INVS: variants seen among roughly 807,000 people sequenced by gnomAD.
The protein encoded by INVS is inversin, also known as inversion of embryo turning homolog.
Under a neutral mutation model 108.8 loss-of-function variants are expected in INVS, and 86 were observed. That is an observed-to-expected ratio of 0.79 (90% CI 0.66 to 0.95). The LOEUF is 0.95. Ranked by LOEUF, INVS falls within the 40% of genes least tolerant of loss-of-function variation. The probability of loss-of-function intolerance (pLI) is 0.00; values close to 1 mark genes in which losing one functional copy is unlikely to be tolerated. For missense variants in INVS, 1,169 were observed against 1,297.4 expected (o/e 0.90, Z 1.52); for synonymous variants, 455 against 473.5 (o/e 0.96, Z 0.51).
chr9:100,200,938 C>A (rs963340496), intron 3 of INVS, among the ~76,000 whole-genome samples: 5 of 152,214 alleles, frequency 3.3e-5, no homozygotes, highest in Non-Finnish European at 5.9e-5. Context: ...CTTCACACTG[C>A]GGCCAGATTT....
At chr9:100,131,200 A>G (rs1445510158) in intron 3 of INVS, among the ~76,000 whole-genome samples, 1 of 151,842 alleles carries the variant, frequency 6.6e-6, no homozygotes, top group African/African-American at 2.4e-5. Flanking sequence ...TTTGTTTTTG[A>G]ATCTCTCTGA....
intron 3 of INVS, among the ~76,000 whole-genome samples, chr9:100,177,368 T>C (rs1393523581): frequency 6.6e-6 from 1 of 152,128 alleles, no homozygotes; most frequent in Non-Finnish European, 1.5e-5. Flanking sequence ...CAAGCTAAGA[T>C]CCACTGACTC....
At chr9:100,200,345 A>G (rs1002227293) in intron 3 of INVS, among the ~76,000 whole-genome samples, 3 of 152,030 alleles carry the variant, frequency 2.0e-5, no homozygotes, top group Non-Finnish European at 4.4e-5. Context: ...TTGTTTGCAT[A>G]TGGAGTAATT....
intron 11 of INVS, 58 bp downstream of exon 11, chr9:100,264,986 A>G (rs560752821): frequency 1.7e-6 from 2 of 1,198,752 alleles, no homozygotes; most frequent in East Asian, 2.4e-5. Flanking sequence ...CCTGTCACTC[A>G]GGTTGGGTTG....
rs1224928634 is a variant in INVS at position 100,292,880 on chromosome 9, A to C, written c.2623A>C (p.Lys875Gln). Residue 875 changes from lysine to glutamine, a missense_variant, in exon 14 of 17, where the codon AAG (lysine) becomes CAG (glutamine). This residue lies in a region of INVS where 533 missense variants were observed against 536.0 expected (regional missense o/e 0.99). Coordinates refer to ENST00000262457, the MANE Select transcript of INVS (RefSeq NM_014425.5). ...CCTGTCCGAGGACTTTCAGGTATCT[A>C]AGGAGACTGATCCAGCACCTGGTCC... The part of the protein sequence containing the change: ...STLSEDFQVS[K>Q]ETDPAPGPLS... 2 of 1,614,050 alleles carry C rather than the reference A, an allele frequency of 1.2e-6. No homozygotes were observed. The highest frequency in any genetic ancestry group is 1.7e-6 in the Non-Finnish European group (2 of 1,180,032).
chr9:100,227,113 T>C (rs891704455), intron 4 of INVS, among the ~76,000 whole-genome samples: 3 of 152,210 alleles, frequency 2.0e-5, no homozygotes, highest in African/African-American at 7.2e-5. Context: ...CAGCATAGTA[T>C]TACATTTCAG....
intron 10 of INVS, among the ~76,000 whole-genome samples, chr9:100,260,471 G>T (rs1413545729): frequency 6.6e-6 from 1 of 152,076 alleles, no homozygotes; most frequent in East Asian, 1.9e-4. Flanking sequence ...GATTACAGGT[G>T]TGAGCCACCG....
intron 3 of INVS, among the ~76,000 whole-genome samples, chr9:100,171,688 T>TA (rs1273920773): frequency 1.3e-5 from 2 of 152,166 alleles, no homozygotes; most frequent in African/African-American, 4.8e-5. Context: ...GATTTGCAAC[T>TA]AACTCACCAC....
chr9:100,300,583 G>T lies in INVS; in HGVS notation c.3107G>T (p.Cys1036Phe), dbSNP rs747868626. The T allele has an allele frequency of 6.2e-7, 1 of 1,610,772 alleles. No homozygotes were observed. Among genetic ancestry groups the T allele is most frequent in the Non-Finnish European group, 8.5e-7 (1 of 1,177,056 alleles). ...TTTTTAACAGTGAGCAACCTACAGT[G>T]TATACATCTCCTTGAGAACAGTGGA... Reference protein sequence around the residue: ...LRLNSVSNLQCIHLLENSGRS... With the variant: ...LRLNSVSNLQFIHLLENSGRS... The change falls in exon 17 of 17, where the codon TGT becomes TTT. Residue 1036 changes from cysteine to phenylalanine, a missense_variant. By Grantham distance (205) the Cys-to-Phe change is radical. Around this residue, in one of 3 missense-constraint regions of INVS, gnomAD observed 533 missense variants for 536.0 expected, o/e 0.99. Coordinates refer to ENST00000262457, the MANE Select transcript of INVS (RefSeq NM_014425.5).
intron 3 of INVS, among the ~76,000 whole-genome samples, chr9:100,140,782 G>A (rs931470409): frequency 1.1e-4 from 17 of 152,096 alleles, no homozygotes; most frequent in Admixed American, 7.2e-4. Context: ...GTGGTAAGGG[G>A]TGATATTGTG....
intron 5 of INVS, among the ~76,000 whole-genome samples, chr9:100,231,973 TGTAAAA>T: frequency 6.6e-6 from 1 of 152,318 alleles, no homozygotes. Context: ...CCACCAACAG[TGTAAAA>T]GCATTCCTAT....
Position 100,272,873 on chromosome 9 carries a change from C to T in INVS, c.1581C>T (p.Pro527=). The T allele has an allele frequency of 6.2e-7, 1 of 1,613,922 alleles. No individual in the cohort carries two copies. The highest frequency in any genetic ancestry group is 8.5e-7 in the Non-Finnish European group (1 of 1,179,906). ...CTTCCTCCCACTTCAGATACACACCCCTTGATTATGCTTTGCTTGGTGAGC... is the reference window on the plus strand; with the variant it reads ...CTTCCTCCCACTTCAGATACACACCTCTTGATTATGCTTTGCTTGGTGAGC... ...QMENNEERYT[P]LDYALLGERH... is the part of the protein sequence containing the mutation. Residue 527 remains proline (P), a synonymous_variant, in exon 12 of 17, where the codon CCC becomes CCT. Coordinates refer to ENST00000262457, the MANE Select transcript of INVS (RefSeq NM_014425.5).
At chr9:100,206,680 T>A (rs1488337914) in intron 3 of INVS, among the ~76,000 whole-genome samples, 1 of 151,930 alleles carries the variant, frequency 6.6e-6, no homozygotes, top group Non-Finnish European at 1.5e-5. Context: ...AATAATATTA[T>A]CTCATCCAAA....
intron 3 of INVS, among the ~76,000 whole-genome samples, chr9:100,141,652 A>C (rs1432489471): frequency 2.0e-5 from 3 of 152,202 alleles, no homozygotes; most frequent in Admixed American, 6.5e-5. Context: ...GCACGTGAGT[A>C]AAGTCAACTT....
chr9:100,133,050 A>T (rs1828100572), intron 3 of INVS, among the ~76,000 whole-genome samples: 1 of 152,202 alleles, frequency 6.6e-6, no homozygotes, highest in South Asian at 2.1e-4. Flanking sequence ...AGTTGCAGTG[A>T]GCGGATATTG....
chr9:100,221,967 A>C (rs1831166709), intron 3 of INVS, among the ~76,000 whole-genome samples: 1 of 152,218 alleles, frequency 6.6e-6, no homozygotes, highest in African/African-American at 2.4e-5. Flanking sequence ...GTTTGGTGCT[A>C]TCTGCAGTTT....
In INVS at chr9:100,229,740, G is replaced by T. The variant is rs778403772; in HGVS notation, c.528G>T (p.Gly176=). Residue 176 remains glycine, a synonymous_variant, in exon 5 of 17, where the codon GGG becomes GGT. Coordinates refer to ENST00000262457, the MANE Select transcript of INVS (RefSeq NM_014425.5). ...KLLIKHDSNI[G]IPDVEGKIPL... is the part of the protein sequence containing the mutation. ...TCATCAAGCATGATTCTAACATTGG[G>T]ATTCCTGATGTTGAAGGCAAGATCC... 2 of 1,614,058 alleles carry T rather than the reference G, an allele frequency of 1.2e-6. 1 individual carries two copies. Among genetic ancestry groups the T allele is most frequent in the South Asian group, 2.2e-5 (2 of 91,062 alleles).
rs748928155 is a variant in INVS at position 100,252,893 on chromosome 9, T to A, written c.1235-14T>A. 1 of 1,575,184 alleles carries A rather than the reference T, an allele frequency of 6.3e-7. No individual in the cohort carries two copies. Among genetic ancestry groups the A allele is most frequent in the Non-Finnish European group, 8.7e-7 (1 of 1,145,206 alleles). ...TTTATATTAGACATTCTCATTATAT[T>A]TGTGCTTTTCCAGGTGGAGCAAGGG... On this transcript the variant is annotated splice_polypyrimidine_tract_variant and intron_variant, in intron 9 of 16. Coordinates refer to ENST00000262457, the MANE Select transcript of INVS (RefSeq NM_014425.5).
At position 100,184,663 on chromosome 9, in the gene INVS, A is replaced by G. The variant is rs1830003418; in HGVS notation, c.274-41399A>G. Among the ~76,000 whole-genome samples, 3 of 152,142 alleles carry G rather than the reference A, an allele frequency of 2.0e-5. No individual in the cohort carries two copies. The South Asian group carries it at 6.2e-4, about 32-fold the overall frequency. ...GGTGGCCTTTTGCTACATTGGGAAG[A>G]CATATTTAGAATAATATGACTTCGT... On this transcript the variant is annotated intron_variant, in intron 3 of 16. Coordinates refer to ENST00000262457, the MANE Select transcript of INVS (RefSeq NM_014425.5).
Sources: allele counts gnomAD v4.1 joint callset (sites outside exome capture counted in the v4.1 genomes callset), GRCh38; gene constraint gnomAD v4.1.1; regional missense constraint gnomAD v4.1.1; transcripts MANE v1.5; gene names NCBI Gene and HGNC (gene_info 2026-07-23, HGNC 2026-07-21).